The following CABYR variants were observed in gnomAD, a reference collection of about 807,000 sequenced individuals.
CABYR encodes calcium binding tyrosine phosphorylation regulated.
CABYR carries 31 observed loss-of-function variants against 36.1 expected under a neutral mutation model. That is an observed-to-expected ratio of 0.86 (90% CI 0.64 to 1.16). The LOEUF (loss-of-function observed/expected upper bound fraction) is 1.16. CABYR is among the 50% of genes most tolerant of loss of function. The pLI, the probability that CABYR is intolerant of heterozygous loss-of-function variation, is 0.00. For missense variants in CABYR, 429 were observed against 455.8 expected (o/e 0.94, Z 0.53); for synonymous variants, 146 against 160.7 (o/e 0.91, Z 0.69).
intron 5 of CABYR, 41 bp downstream of exon 5, chr18:24,160,110 A>G: frequency 3.0e-6 from 4 of 1,321,292 alleles, no homozygotes; most frequent in East Asian, 2.3e-5. Context: ...GCCTTAACAC[A>G]CGCGCGTTTT....
At chr18:24,161,483 TAAAC>T (rs1337894248) in intron 5 of CABYR, 29 bp from the exon 6 acceptor site, 1 of 779,584 alleles carries the variant, frequency 1.3e-6, no homozygotes, top group African/African-American at 1.7e-5. Flanking sequence ...TGTTTAACTT[TAAAC>T]AATTCAATGT....
chr18:24,155,688 T>G lies in CABYR; in HGVS notation c.200-13T>G, dbSNP rs766038932. 7 of 1,544,720 alleles carry G rather than the reference T, an allele frequency of 4.5e-6. No homozygotes were observed. The highest frequency in any genetic ancestry group is 2.2e-5 in the East Asian group (1 of 44,518). ...TTAGATGTTAATTAACCCATCTGGT[T>G]GTTGTTTTTCAGTAGAGAAATGGTC... On this transcript the variant is annotated splice_polypyrimidine_tract_variant and intron_variant, in intron 3 of 5. Coordinates refer to ENST00000399496, the MANE Select transcript of CABYR (RefSeq NM_153769.3).
At chr18:24,142,892 G>C (rs1043959798) in intron 1 of CABYR, among the ~76,000 whole-genome samples, 199 bp from the exon 2 acceptor site, 1 of 151,830 alleles carries the variant, frequency 6.6e-6, no homozygotes, top group Non-Finnish European at 1.5e-5. Flanking sequence ...AATTAGCGGG[G>C]TGTGGTGCCA....
intron 4 of CABYR, chr18:24,156,605 G>A (rs1302694962): frequency 6.2e-7 from 1 of 1,614,004 alleles, no homozygotes; most frequent in African/African-American, 1.3e-5. Context: ...TTGCACAGTT[G>A]GAGGAGAATG....
In CABYR at chr18:24,149,949, C is replaced by T. The variant is rs548084010; in HGVS notation, c.200-5752C>T. Among the ~76,000 whole-genome samples, 4 of 152,386 alleles carry T rather than the reference C, an allele frequency of 2.6e-5. No individual in the cohort carries two copies. The South Asian group carries it at 8.3e-4, about 32-fold the overall frequency. On this transcript the variant is annotated intron_variant, in intron 3 of 5. Coordinates refer to ENST00000399496, the MANE Select transcript of CABYR (RefSeq NM_153769.3). ...CTGGCGCCTCTCCCTCCACACCTGC[C>T]TGCAAGCTGAGGGAGCCGGCTCTGG...
Position 24,161,506 on chromosome 18 carries a change from T to C in CABYR, c.*-10T>C, listed in dbSNP as rs1398406224. ...TTTAAACAATTCAATGTTTGCATTA[T>C]TCCTAACAGATCCAGAAATGACGCT... On this transcript the variant is annotated splice_polypyrimidine_tract_variant and intron_variant, in intron 5 of 5. Transcript: ENST00000399496. 2 of 780,614 alleles carry C rather than the reference T, an allele frequency of 2.6e-6. No individual in the cohort carries two copies. The allele number at this position is 780,614 out of a possible 1,614,324, so 48.4% of individuals were successfully genotyped here.
In CABYR at chr18:24,149,615, T is replaced by A. The variant is rs1172092275; in HGVS notation, c.200-6086T>A. 7.2e-5 allele frequency among the ~76,000 whole-genome samples: 11 copies of A among 152,162 alleles called. 1 individual carries two copies. The highest frequency in any genetic ancestry group is 1.0e-4 in the Non-Finnish European group (7 of 68,016). ...GCTGTGGAGCAGGGGGCGGTGCTCA[T>A]CGGGGAGGCTCGGGCCGCACAGGAG... is the stretch of plus-strand genomic sequence containing the variant. On this transcript the variant is annotated intron_variant, in intron 3 of 5. Coordinates refer to ENST00000399496, the MANE Select transcript of CABYR (RefSeq NM_153769.3).
intron 3 of CABYR, among the ~76,000 whole-genome samples, chr18:24,153,685 T>C (rs2085696514): frequency 6.6e-6 from 1 of 152,224 alleles, no homozygotes; most frequent in South Asian, 2.1e-4. Context: ...TCTGCTGGAC[T>C]CAAGAAAAGT....
In CABYR at chr18:24,159,832, C is replaced by T. The variant is rs1393878810; in HGVS notation, c.902C>T (p.Ala301Val). The T allele has an allele frequency of 6.2e-7, 1 of 1,613,976 alleles. No individual in the cohort carries two copies. Residue 301 changes from alanine (A) to valine (V), a missense_variant, in exon 5 of 6, where the codon GCA (alanine) becomes GTA (valine). Physicochemically the swap from Ala to Val is moderately conservative, Grantham distance 64. Transcript: ENST00000399496. ...VAMQVPIAVP[A>V]DEKYQKHTLS... ...ATGCAAGTGCCCATTGCTGTTCCTG[C>T]AGATGAGAAATACCAGAAACATACC...
chr18:24,159,490 G>A lies in CABYR; in HGVS notation c.560G>A (p.Arg187Gln). 6.2e-7 allele frequency: 1 copy of A among 1,611,642 alleles called. No homozygotes were observed. The highest frequency in any genetic ancestry group is 1.3e-5 in the African/African-American group (1 of 74,786). The change falls in exon 5 of 6, where the codon CGA (arginine) becomes CAA (glutamine). Residue 187 changes from arginine to glutamine, a missense_variant. Arg to Gln is a conservative substitution (Grantham distance 43, BLOSUM62 1). Coordinates refer to ENST00000399496, the MANE Select transcript of CABYR (RefSeq NM_153769.3). Reference sequence around the variant, plus strand: ...TTTATAGCAATGGCAACAAGTGAACGAGGACAACCACCACCATGTTCTAAC... The same window carrying A: ...TTTATAGCAATGGCAACAAGTGAACAAGGACAACCACCACCATGTTCTAAC... ...AQMLAMATSE[R>Q]GQPPPCSNMW...
chr18:24,143,040 A>C (rs1467971718), intron 1 of CABYR, 51 bp from the exon 2 acceptor site: 63 of 1,352,152 alleles, frequency 4.7e-5, no homozygotes, highest in Admixed American at 1.7e-4. Flanking sequence ...AAAAAAAAAA[A>C]AACCTATTTT....
chr18:24,155,320 T>G (rs529592761), intron 3 of CABYR, among the ~76,000 whole-genome samples: 5 of 152,364 alleles, frequency 3.3e-5, no homozygotes, highest in Admixed American at 3.3e-4. Flanking sequence ...GTCTTGCTAC[T>G]GCGCTATTAA....
chr18:24,153,002 T>G (rs1210941420), intron 3 of CABYR, among the ~76,000 whole-genome samples: 1 of 152,164 alleles, frequency 6.6e-6, no homozygotes, highest in Non-Finnish European at 1.5e-5. Context: ...CCAAGACCTT[T>G]TGCCTGAGGG....
chr18:24,148,408 G>A (rs1158060891), intron 3 of CABYR, among the ~76,000 whole-genome samples: 3 of 152,102 alleles, frequency 2.0e-5, no homozygotes, highest in African/African-American at 4.8e-5. Flanking sequence ...TTATCTTAGC[G>A]AAGAATAAGG....
intron 3 of CABYR, among the ~76,000 whole-genome samples, chr18:24,149,416 G>A (rs940279185): frequency 6.6e-6 from 1 of 152,186 alleles, no homozygotes; most frequent in Non-Finnish European, 1.5e-5. Flanking sequence ...GCCGATTGGT[G>A]TACTTACAAT....
At chr18:24,160,688 G>GACCT (rs1381265158) in intron 5 of CABYR, 1 of 152,644 alleles carries the variant, frequency 6.6e-6, no homozygotes, top group African/African-American at 2.4e-5. Context: ...AAAAACATGG[G>GACCT]ACCTACATCT....
At chr18:24,146,613 G>GT (rs1418182006) in intron 3 of CABYR, among the ~76,000 whole-genome samples, 1 of 151,936 alleles carries the variant, frequency 6.6e-6, no homozygotes, top group African/African-American at 2.4e-5. Context: ...TATTTGAAAT[G>GT]GCTGAGAATT....
chr18:24,158,185 A>C (rs1043119251), intron 4 of CABYR, among the ~76,000 whole-genome samples: 21 of 152,186 alleles, frequency 1.4e-4, no homozygotes, highest in African/African-American at 5.1e-4. Context: ...TCAGATTATC[A>C]AAACCTCTCT....
At chr18:24,157,706 A>C (rs2085828379) in intron 4 of CABYR, among the ~76,000 whole-genome samples, 1 of 152,198 alleles carries the variant, frequency 6.6e-6, no homozygotes, top group South Asian at 2.1e-4. Context: ...CAAGTGCCAA[A>C]ATCAAGCTGC....
Sources: allele counts gnomAD v4.1 joint callset (sites outside exome capture counted in the v4.1 genomes callset), GRCh38; gene constraint gnomAD v4.1.1; transcripts MANE v1.5; gene names NCBI Gene and HGNC (gene_info 2026-07-23, HGNC 2026-07-21).